Variants in WNT16 observed in about 807,000 individuals in gnomAD.
WNT16 encodes the protein Wnt family member 16.
A neutral mutation model predicts 35.4 loss-of-function variants in WNT16; 20 were observed. The observed-to-expected ratio is 0.56, with a 90% CI of 0.40 to 0.82. The LOEUF is 0.82. Ranked by LOEUF, WNT16 falls within the 40% of genes least tolerant of loss-of-function variation. The probability of loss-of-function intolerance (pLI) is 0.00; values close to 1 mark genes in which losing one functional copy is unlikely to be tolerated. For synonymous variants in WNT16, 180 were observed against 179.2 expected (o/e 1.00, Z -0.03); for missense variants, 461 against 466.0 (o/e 0.99, Z 0.10).
intron 3 of WNT16, among the ~76,000 whole-genome samples, chr7:121,333,873 C>G (rs2116838877): frequency 6.6e-6 from 1 of 151,982 alleles, no homozygotes; most frequent in East Asian, 1.9e-4. Context: ...ATAAAATCAT[C>G]TTGGGACTTA....
Position 121,331,679 on chromosome 7 carries a change from C to T in WNT16, c.348C>T (p.Gly116=), listed in dbSNP as rs1450034482. The change falls in exon 3 of 4, where the codon GGC becomes GGT. Residue 116 remains glycine (G), a splice_region_variant and synonymous_variant. Transcript: ENST00000222462. ...TTTAGCAATTTATATTTTTTCTAGGCACCAAAGAGACAGCATTTATTTATG... is the reference window on the plus strand; with the variant it reads ...TTTAGCAATTTATATTTTTTCTAGGTACCAAAGAGACAGCATTTATTTATG... ...SPLFGYELSS[G]TKETAFIYAV... The T allele has an allele frequency of 6.2e-7, 1 of 1,602,266 alleles. No homozygotes were observed. The highest frequency in any genetic ancestry group is 2.2e-5 in the East Asian group (1 of 44,508).
At chr7:121,327,168 T>C (rs1240131756), upstream of WNT16, among the ~76,000 whole-genome samples, 1 of 152,156 alleles carries the variant, frequency 6.6e-6, no homozygotes, top group African/African-American at 2.4e-5. Context: ...GATCAGTATC[T>C]ACATCCTATC....
At chr7:121,334,007 C>T (rs939744089) in intron 3 of WNT16, among the ~76,000 whole-genome samples, 9 of 151,914 alleles carry the variant, frequency 5.9e-5, no homozygotes, top group African/African-American at 1.7e-4. Flanking sequence ...ACTGTTAATG[C>T]TAATCTTAAA....
At chr7:121,333,605 G>A (rs1375952290) in intron 3 of WNT16, among the ~76,000 whole-genome samples, 2 of 151,760 alleles carry the variant, frequency 1.3e-5, no homozygotes. Flanking sequence ...TCCAATAAGG[G>A]AATTTTTATT....
chr7:121,328,112 T>TA (rs1793271968), upstream of WNT16, among the ~76,000 whole-genome samples: 2 of 152,328 alleles, frequency 1.3e-5, no homozygotes, highest in Non-Finnish European at 2.9e-5. Flanking sequence ...TAAAAATGTG[T>TA]CTTCCATGTG....
intron 3 of WNT16, among the ~76,000 whole-genome samples, chr7:121,333,422 G>A (rs1793385958): frequency 1.3e-5 from 2 of 151,932 alleles, no homozygotes; most frequent in African/African-American, 2.4e-5. Context: ...ATAGAAAGTA[G>A]GAATGTCAGT....
chr7:121,329,343 A>C lies in WNT16; in HGVS notation c.51A>C (p.Ala17=), dbSNP rs766545066. The change falls in exon 1 of 4, where the codon GCA becomes GCC. Residue 17 remains alanine, a synonymous_variant. Transcript: ENST00000222462. ...TGGCCCGCTTGTGCGCGCTGTGGGC[A>C]GCCCTGCTCGTGCTGTTCCCCTACG... The part of the protein sequence containing the change: ...LGLARLCALW[A]ALLVLFPYGA... 6.2e-7 allele frequency: 1 copy of C among 1,604,992 alleles called. No homozygotes were observed. The highest frequency in any genetic ancestry group is 1.1e-5 in the South Asian group (1 of 89,818).
chr7:121,329,150 C>T lies in WNT16; in HGVS notation c.-143C>T. 7.1e-7 allele frequency: 1 copy of T among 1,418,040 alleles called. No homozygotes were observed. The highest frequency in any genetic ancestry group is 9.2e-7 in the Non-Finnish European group (1 of 1,089,432). The allele number at this position is 1,418,040 out of a possible 1,614,324, so 87.8% of individuals were successfully genotyped here. On this transcript the variant is annotated 5_prime_UTR_variant, in exon 1 of 4. Transcript: ENST00000222462. ...GGGAAGCTGCTGAGAGTCCCTATCACTGCTGGCCTTTTAATGTTGTATGCA... is the reference window on the plus strand; with the variant it reads ...GGGAAGCTGCTGAGAGTCCCTATCATTGCTGGCCTTTTAATGTTGTATGCA...
At position 121,329,331 on chromosome 7, in the gene WNT16, C is replaced by T. The variant is rs748945275; in HGVS notation, c.39C>T (p.Cys13=). 1.9e-6 allele frequency: 3 copies of T among 1,597,778 alleles called. No homozygotes were observed. The highest frequency in any genetic ancestry group is 2.2e-5 in the South Asian group (2 of 88,936). ...CGCTCCTGGGACTGGCCCGCTTGTG[C>T]GCGCTGTGGGCAGCCCTGCTCGTGC... ...RAALLGLARL[C]ALWAALLVLF... Residue 13 remains cysteine (C), a synonymous_variant, in exon 1 of 4, where the codon TGC becomes TGT. Transcript: ENST00000222462.
At chr7:121,328,960 TG>T, upstream of WNT16, 1 of 991,050 alleles carries the variant, frequency 1.0e-6, no homozygotes, top group Non-Finnish European at 1.2e-6. Context: ...GGGGAGGAGA[TG>T]GGAGGAGAGG....
chr7:121,328,562 G>A (rs924666545), upstream of WNT16, among the ~76,000 whole-genome samples: 3 of 152,080 alleles, frequency 2.0e-5, no homozygotes, highest in African/African-American at 4.8e-5. Flanking sequence ...TAATTTGTTC[G>A]GTACCAACTC....
In WNT16 at chr7:121,337,394, G is replaced by T. The variant is rs144418822; in HGVS notation, c.634-1487G>T. On this transcript the variant is annotated intron_variant, in intron 3 of 3. Transcript: ENST00000222462. ...TTTGAAAACATAACATTCTGCAAACGTGTCAATGTCAGGTTTGGTACAAAA... is the reference window on the plus strand; with the variant it reads ...TTTGAAAACATAACATTCTGCAAACTTGTCAATGTCAGGTTTGGTACAAAA... Among the ~76,000 whole-genome samples the T allele has an allele frequency of 2.6e-3, 399 of 152,298 alleles. 1 individual carries two copies. The highest frequency in any genetic ancestry group is 0.01 in the Middle Eastern group (3 of 294).
At chr7:121,334,187 C>A (rs1320051739) in intron 3 of WNT16, among the ~76,000 whole-genome samples, 1 of 151,988 alleles carries the variant, frequency 6.6e-6, no homozygotes, top group African/African-American at 2.4e-5. Context: ...TTGTGTAAAT[C>A]TCTGAGTTTT....
chr7:121,325,656 T>C (rs936392863), upstream of WNT16, among the ~76,000 whole-genome samples: 46 of 150,050 alleles, frequency 3.1e-4, no homozygotes, highest in African/African-American at 1.1e-3. Flanking sequence ...TTTACATATA[T>C]ATATATATAA....
chr7:121,338,820 T>C, intron 3 of WNT16, 61 bp from the exon 4 acceptor site: 1 of 1,404,552 alleles, frequency 7.1e-7, no homozygotes, highest in African/African-American at 1.4e-5. Context: ...TTAACTGTGC[T>C]TCTGTTGTTG....
intron 3 of WNT16, among the ~76,000 whole-genome samples, chr7:121,338,474 C>T (rs1197843819): frequency 6.6e-6 from 1 of 152,168 alleles, no homozygotes; most frequent in Non-Finnish European, 1.5e-5. Flanking sequence ...TTGCTGGTCC[C>T]TGAGCTGTAT....
chr7:121,339,071 G>A lies in WNT16; in HGVS notation c.824G>A (p.Arg275Lys), dbSNP rs754686638. 6 of 1,614,134 alleles carry A rather than the reference G, an allele frequency of 3.7e-6. No homozygotes were observed. The highest frequency in any genetic ancestry group is 5.1e-6 in the Non-Finnish European group (6 of 1,180,026). ...RKMRRREKDQ[R>K]KIPIHKDDLL... is the part of the protein sequence containing the mutation. ...ATGCGCAGGAGAGAAAAAGATCAGA[G>A]GAAAATACCAATCCATAAGGATGAT... Residue 275 changes from arginine to lysine, a missense_variant, in exon 4 of 4, where the codon AGG becomes AAG. Physicochemically the swap from Arg to Lys is conservative, Grantham distance 26. Coordinates refer to ENST00000222462, the MANE Select transcript of WNT16 (RefSeq NM_057168.2).
Position 121,329,100 on chromosome 7 carries a change from C to CT in WNT16, c.-192dup. ...GATCCCCAGGCTGCTCTCTCCATCT[C>CT]TCCTACAGCTCCCTGCAAACGAGGG... On this transcript the variant is annotated 5_prime_UTR_variant, in exon 1 of 4. It introduces an in-frame stop codon into an upstream open reading frame of the 5' UTR. Coordinates refer to ENST00000222462, the MANE Select transcript of WNT16 (RefSeq NM_057168.2). The CT allele has an allele frequency of 7.3e-7, 1 of 1,363,078 alleles. No individual in the cohort carries two copies. Among genetic ancestry groups the CT allele is most frequent in the Non-Finnish European group, 9.4e-7 (1 of 1,059,996 alleles). The allele number at this position is 1,363,078 out of a possible 1,614,324, so 84.4% of individuals were successfully genotyped here.
intron 3 of WNT16, among the ~76,000 whole-genome samples, chr7:121,335,986 TTGTGTGTGTGTGTG>T (rs36224614): frequency 6.3e-4 from 88 of 140,292 alleles, no homozygotes; most frequent in African/African-American, 1.5e-3. Flanking sequence ...GAATTAAACT[TTGTGTGTGTGTGTG>T]TGTGTGTGTG....
Sources: gnomAD v4.1 joint callset for allele counts (sites outside exome capture counted in the v4.1 genomes callset) on GRCh38, gnomAD v4.1.1 for gene constraint, MANE v1.5 for transcripts, NCBI Gene and HGNC (gene_info 2026-07-23, HGNC 2026-07-21) for gene names.